MAST3: variants seen among roughly 807,000 people sequenced by gnomAD.
The protein encoded by MAST3 is microtubule associated serine/threonine kinase 3, also known as microtubule-associated serine/threonine-protein kinase 3.
Under a neutral mutation model 127.0 loss-of-function variants are expected in MAST3, and 43 were observed. The ratio of observed to expected loss-of-function variants is 0.34; its 90% CI spans 0.27 to 0.44. The LOEUF is 0.44. MAST3 is among the 20% of genes least tolerant of loss of function. MAST3 has a pLI of 1.00. For synonymous variants in MAST3, 785 were observed against 809.2 expected, an observed-to-expected ratio of 0.97 and a Z score of 0.51; for missense variants, 1,390 against 1,919.1, an observed-to-expected ratio of 0.72 and a Z score of 5.15.
In MAST3 at chr19:18,147,447, A is replaced by G; in HGVS notation, c.3331A>G (p.Lys1111Glu). ...CCTCCGGTTTTCTTACCCCAGGCGG[A>G]AGTCACTTTTCAAGAAGATCTCCAA... ...CAAVTTRERR[K>E]SLFKKISKQT... The change falls in exon 27 of 28, where the codon AAG becomes GAG. Residue 1111 changes from lysine to glutamate, a missense_variant. This residue lies in a region of MAST3 where 816 missense variants were observed against 934.1 expected (regional missense o/e 0.87). Coordinates refer to ENST00000687212, the MANE Select transcript of MAST3 (RefSeq NM_001393504.1). 4 of 1,612,994 alleles carry G rather than the reference A, an allele frequency of 2.5e-6. 1 individual carries two copies. In the South Asian group the frequency reaches 4.4e-5, roughly 18 times the overall value.
chr19:18,126,592 T>G (rs1055833210), intron 11 of MAST3, among the ~76,000 whole-genome samples: 1 of 152,050 alleles, frequency 6.6e-6, no homozygotes, highest in African/African-American at 2.4e-5. Context: ...GGCAACATAC[T>G]GAGATCTCGT....
rs1419367225 is a variant in MAST3, at chr19:18,110,272, C to G, written c.72-380C>G. The G allele has an allele frequency of 3.0e-6, 3 of 985,614 alleles. No homozygotes were observed. Among genetic ancestry groups the G allele is most frequent in the East Asian group, 1.1e-4 (1 of 8,822 alleles). The allele number at this position is 985,614 out of a possible 1,614,324, so 61.1% of individuals were successfully genotyped here. A position where few individuals can be genotyped will look rare whatever the true frequency, so the allele number is the denominator to read the frequency against. On this transcript the variant is annotated intron_variant, in intron 2 of 27. Coordinates refer to ENST00000687212, the MANE Select transcript of MAST3 (RefSeq NM_001393504.1). The surrounding 1 kb of genome is among the most constrained non-coding windows in gnomAD (Gnocchi z 4.3). ...CACGATCAGGGCTTCCGGGGGCCAA[C>G]AAGGGGGCGTCGGTACCCCGCCGCA...
rs1235025658 is a variant in MAST3, at chr19:18,128,463, G to GT, written c.1137+6dup. 1.9e-6 allele frequency: 3 copies of GT among 1,553,544 alleles called. No individual in the cohort carries two copies. Among genetic ancestry groups the GT allele is most frequent in the Admixed American group, 3.9e-5 (2 of 51,334 alleles). ...CCAGCACCTGAGTCCCCAGAGGTGA[G>GT]TAGCAGAGGCTGGGGGACCCCCGCT... is the stretch of plus-strand genomic sequence containing the variant. On this transcript the variant is annotated splice_donor_region_variant and intron_variant, in intron 12 of 27. Coordinates refer to ENST00000687212, the MANE Select transcript of MAST3 (RefSeq NM_001393504.1).
chr19:18,099,543 CA>C lies in MAST3; in HGVS notation c.39+1716del, dbSNP rs1413099543. On this transcript the variant is annotated intron_variant, in intron 1 of 27. Transcript: ENST00000687212. ...TTTCCTGATGGTAAGTTCTATGTTA[CA>C]AAAGGGGAAACTGAGGTTCAGAGAA... 2.6e-5 allele frequency among the ~76,000 whole-genome samples: 4 copies of C among 152,232 alleles called. No homozygotes were observed. The South Asian group carries it at 6.2e-4, about 24-fold the overall frequency.
At chr19:18,137,549 G>A (rs2042009997) in intron 19 of MAST3, among the ~76,000 whole-genome samples, 188 bp downstream of exon 19, 1 of 152,182 alleles carries the variant, frequency 6.6e-6, no homozygotes, top group African/African-American at 2.4e-5. Flanking sequence ...TGGATTTCCT[G>A]TGTGTCTGGG....
chr19:18,134,478 C>T, intron 15 of MAST3, 101 bp from the exon 16 acceptor site: 3 of 1,443,868 alleles, frequency 2.1e-6, no homozygotes, highest in South Asian at 2.9e-5. Context: ...GAGTTGGAGG[C>T]AGAGCTCTGC....
At chr19:18,119,140 C>T (rs1250082596) in intron 3 of MAST3, among the ~76,000 whole-genome samples, 1 of 152,144 alleles carries the variant, frequency 6.6e-6, no homozygotes, top group African/African-American at 2.4e-5. Context: ...AAACAGTCGG[C>T]CCTGCATAGA....
chr19:18,123,754 T>A, intron 8 of MAST3, 99 bp downstream of exon 8: 1 of 1,138,830 alleles, frequency 8.8e-7, no homozygotes, highest in Non-Finnish European at 1.2e-6. Context: ...CCTTTGCCAG[T>A]CTGTTCATTT....
Position 18,110,524 on chromosome 19 carries a change from T to C in MAST3, c.72-128T>C. 2.3e-6 allele frequency: 2 copies of C among 857,036 alleles called. No homozygotes were observed. Among genetic ancestry groups the C allele is most frequent in the Non-Finnish European group, 2.8e-6 (2 of 712,274 alleles). 53.1% of individuals were successfully genotyped at this position (857,036 alleles called of 1,614,324 possible). On this transcript the variant is annotated intron_variant, in intron 2 of 27. Transcript: ENST00000687212. The surrounding 1 kb of genome is among the most constrained non-coding windows in gnomAD (Gnocchi z 4.3). ...CTGGCCCCGCCCTCACGTCCTGAGC[T>C]GAACCCAGAATCCCCGGTCTTGGGC...
At chr19:18,118,046 T>A in intron 3 of MAST3, 2 of 945,262 alleles carry the variant, frequency 2.1e-6, no homozygotes, top group Non-Finnish European at 2.5e-6. Context: ...CGCCCCCCCA[T>A]CCCCGCAGCC....
intron 13 of MAST3, among the ~76,000 whole-genome samples, chr19:18,130,079 A>C (rs1442746085): frequency 6.6e-6 from 1 of 152,188 alleles, no homozygotes; most frequent in Middle Eastern, 3.4e-3. Flanking sequence ...GCGAGACCCC[A>C]TCTCTACAAA....
intron 5 of MAST3, among the ~76,000 whole-genome samples, chr19:18,122,472 A>AC (rs2040112763): frequency 1.2e-5 from 1 of 86,588 alleles, no homozygotes; most frequent in Non-Finnish European, 2.3e-5. Context: ...AGCTGGACTC[A>AC]CGGGGGGGCT....
intron 1 of MAST3, among the ~76,000 whole-genome samples, chr19:18,101,711 C>T (rs62121153): frequency 0.14 from 21,824 of 151,634 alleles, 1,868 homozygotes; most frequent in Admixed American, 0.23. Flanking sequence ...AGTGCAGTGG[C>T]GCCATCTTGG....
At chr19:18,124,198 TGA>T (rs1442985577) in intron 9 of MAST3, 50 bp downstream of exon 9, 2 of 1,589,686 alleles carry the variant, frequency 1.3e-6, no homozygotes, top group Non-Finnish European at 1.7e-6. Context: ...GGACGTGGAG[TGA>T]GGGGGGTCCC....
chr19:18,130,489 C>T lies in MAST3; in HGVS notation c.1224-5C>T. On this transcript the variant is annotated splice_region_variant and splice_polypyrimidine_tract_variant and intron_variant, in intron 13 of 27. Coordinates refer to ENST00000687212, the MANE Select transcript of MAST3 (RefSeq NM_001393504.1). ...GTCCCAGCAAGCCTGGCCCTCTGTC[C>T]CCAGGGCCGTCTACCTGGTGCGGCA... The T allele has an allele frequency of 6.3e-7, 1 of 1,588,928 alleles. No individual in the cohort carries two copies. Among genetic ancestry groups the T allele is most frequent in the Non-Finnish European group, 8.6e-7 (1 of 1,167,368 alleles).
chr19:18,124,051 A>T lies in MAST3; in HGVS notation c.746A>T (p.Glu249Val). ...VLGFIHHQIVELARDCLAKSG... is the reference protein window; with the variant it reads ...VLGFIHHQIVVLARDCLAKSG... ...GGCTTCATCCACCACCAGATCGTCGAGCTGGCCCGAGACTGCTTGGCCAAG... is the reference window on the plus strand; with the variant it reads ...GGCTTCATCCACCACCAGATCGTCGTGCTGGCCCGAGACTGCTTGGCCAAG... Residue 249 changes from glutamate to valine, a missense_variant, in exon 9 of 28, where the codon GAG becomes GTG. By Grantham distance (121) the Glu-to-Val change is moderately radical (BLOSUM62 -2). Around this residue, in one of 5 missense-constraint regions of MAST3, gnomAD observed 277 missense variants for 384.8 expected, o/e 0.72. Coordinates refer to ENST00000687212, the MANE Select transcript of MAST3 (RefSeq NM_001393504.1). 6.2e-7 allele frequency: 1 copy of T among 1,607,704 alleles called. No homozygotes were observed. The highest frequency in any genetic ancestry group is 1.1e-5 in the South Asian group (1 of 89,818).
At chr19:18,148,932 G>A (rs987833161) in intron 27 of MAST3, among the ~76,000 whole-genome samples, 2 of 151,486 alleles carry the variant, frequency 1.3e-5, no homozygotes, top group Admixed American at 6.6e-5. Context: ...CCATGGTGAC[G>A]TGCACCTGTT....
chr19:18,101,882 C>CTTTTTT (rs760652186), intron 1 of MAST3, among the ~76,000 whole-genome samples: 16 of 69,348 alleles, frequency 2.3e-4, no homozygotes, highest in African/African-American at 3.0e-4. Flanking sequence ...GCCTCAAACT[C>CTTTTTT]TTTTTTTTTT....
chr19:18,141,612 A>T (rs1485330865), intron 20 of MAST3, among the ~76,000 whole-genome samples: 1 of 151,896 alleles, frequency 6.6e-6, no homozygotes, highest in East Asian at 1.9e-4. Context: ...ACCTCAAGTG[A>T]TCCGCCCACC....
Sources: gnomAD v4.1 joint callset for allele counts (sites outside exome capture counted in the v4.1 genomes callset) on GRCh38, gnomAD v4.1.1 for gene constraint, gnomAD v4.1.1 regional missense constraint, Gnocchi (gnomAD v3.1) non-coding constraint, MANE v1.5 for transcripts, NCBI Gene and HGNC (gene_info 2026-07-23, HGNC 2026-07-21) for gene names.